Variants in U2SURP observed in about 807,000 individuals in gnomAD.
U2SURP encodes the protein U2 snRNP-associated SURP motif-containing protein.
U2SURP carries 9 observed loss-of-function variants against 144.9 expected under a neutral mutation model. That is an observed-to-expected ratio of 0.06 (90% confidence interval 0.04 to 0.11). The LOEUF is 0.11. U2SURP is among the 10% of genes least tolerant of loss of function. The pLI is 1.00. For synonymous variants in U2SURP, 408 were observed against 396.8 expected (o/e 1.03, Z -0.33); for missense variants, 724 against 1,226.7 (o/e 0.59, Z 6.12).
chr3:143,010,963 A>G (rs1936092549), intron 2 of U2SURP, 104 bp downstream of exon 2: 9 of 803,650 alleles, frequency 1.1e-5, no homozygotes, highest in East Asian at 2.9e-5. Flanking sequence ...ATACAATTGT[A>G]TGTGCTTTTT....
At chr3:143,003,852 C>T (rs1289871533) in intron 1 of U2SURP, among the ~76,000 whole-genome samples, 12 of 151,616 alleles carry the variant, frequency 7.9e-5, no homozygotes, top group Admixed American at 5.9e-4. Context: ...CCAGTACGCC[C>T]GGCTAATTTT....
At chr3:143,052,950 GTTT>G (rs11436960) in intron 25 of U2SURP, among the ~76,000 whole-genome samples, 1 of 132,950 alleles carries the variant, frequency 7.5e-6, no homozygotes. Context: ...AAATGTGTTG[GTTT>G]TTTTTTTTTT....
intron 27 of U2SURP, among the ~76,000 whole-genome samples, 196 bp from the exon 28 acceptor site, chr3:143,056,116 T>A (rs1935136065): frequency 6.6e-6 from 1 of 152,176 alleles, no homozygotes; most frequent in Non-Finnish European, 1.5e-5. Context: ...TGATGATCAT[T>A]GATGCAGTGC....
chr3:143,021,735 G>GCATCTCTTCTATTCA, intron 10 of U2SURP, 180 bp downstream of exon 10: 1 of 623,438 alleles, frequency 1.6e-6, no homozygotes. Context: ...TCCTCTTTCA[G>GCATCTCTTCTATTCA]TAACTAGATT....
At chr3:143,012,570 A>C (rs962738319) in intron 3 of U2SURP, among the ~76,000 whole-genome samples, 1 of 152,152 alleles carries the variant, frequency 6.6e-6, no homozygotes, top group African/African-American at 2.4e-5. Flanking sequence ...TAGAGTTTTA[A>C]ATTTTATTTG....
rs892582542 is a variant in U2SURP at position 143,007,987 on chromosome 3, G to C, written c.46-2828G>C. 6.0e-4 allele frequency among the ~76,000 whole-genome samples: 92 copies of C among 152,316 alleles called. 1 individual carries two copies. Among genetic ancestry groups the C allele is most frequent in the African/African-American group, 2.0e-3 (84 of 41,560 alleles). ...CGTGCTGAATGCTATGTAGCTGTAGGTATGTATCAGTGGAAAATGTCTGGT... is the reference window on the plus strand; with the variant it reads ...CGTGCTGAATGCTATGTAGCTGTAGCTATGTATCAGTGGAAAATGTCTGGT... On this transcript the variant is annotated intron_variant, in intron 1 of 27. Coordinates refer to ENST00000473835, the MANE Select transcript of U2SURP (RefSeq NM_001080415.2).
intron 12 of U2SURP, 100 bp from the exon 13 acceptor site, chr3:143,023,875 G>T (rs1343442598): frequency 9.2e-7 from 1 of 1,091,298 alleles, no homozygotes; most frequent in Non-Finnish European, 1.4e-6. Flanking sequence ...CTTGTGATTA[G>T]ATATGTAGTA....
intron 3 of U2SURP, among the ~76,000 whole-genome samples, 159 bp from the exon 4 acceptor site, chr3:143,014,152 A>G (rs559081735): frequency 6.6e-6 from 1 of 152,022 alleles, no homozygotes; most frequent in Non-Finnish European, 1.5e-5. Flanking sequence ...GTCAAGTAAG[A>G]TAGGCACCTG....
intron 14 of U2SURP, among the ~76,000 whole-genome samples, chr3:143,027,688 T>G (rs1472317049): frequency 6.6e-6 from 1 of 152,206 alleles, no homozygotes. Context: ...GCATGCAGTT[T>G]AAAACTACTT....
At chr3:143,006,205 T>G (rs61620920) in intron 1 of U2SURP, among the ~76,000 whole-genome samples, 76 of 152,366 alleles carry the variant, frequency 5.0e-4, no homozygotes, top group African/African-American at 1.8e-3. Context: ...GGTTTGTTAT[T>G]TAACTTTATT....
At chr3:143,018,785 C>A (rs561228328) in intron 6 of U2SURP, among the ~76,000 whole-genome samples, 9 of 152,196 alleles carry the variant, frequency 5.9e-5, no homozygotes, top group Non-Finnish European at 1.0e-4. Flanking sequence ...ATTAGCCGGG[C>A]ATGGTGGTGC....
At chr3:143,017,650 T>G (rs1190225649) in intron 6 of U2SURP, among the ~76,000 whole-genome samples, 1 of 151,824 alleles carries the variant, frequency 6.6e-6, no homozygotes, top group Admixed American at 6.6e-5. Context: ...TTTGAGACAG[T>G]CTCTCTGTCA....
At chr3:143,046,262 AG>A (rs569168182) in intron 24 of U2SURP, among the ~76,000 whole-genome samples, 121 of 133,632 alleles carry the variant, frequency 9.1e-4, no homozygotes, top group African/African-American at 3.4e-3. Context: ...GCCAGAAGCC[AG>A]TTCTTTTTTT....
In U2SURP at chr3:143,058,821, C is replaced by G. The variant is rs532313038; in HGVS notation, c.*2371C>G. The G allele has an allele frequency of 6.6e-6, 1 of 151,994 alleles. No homozygotes were observed. Among genetic ancestry groups the G allele is most frequent in the African/African-American group, 2.4e-5 (1 of 41,532 alleles). 9.4% of individuals were successfully genotyped at this position (151,994 alleles called of 1,614,324 possible). Reference sequence around the variant, plus strand: ...ATTTCTATAGGTTGACTAGAATGTTCATAAGCATGGTCTTCCAGTTGCAGG... The same window carrying G: ...ATTTCTATAGGTTGACTAGAATGTTGATAAGCATGGTCTTCCAGTTGCAGG... On this transcript the variant is annotated 3_prime_UTR_variant, in exon 28 of 28. Transcript: ENST00000473835.
At position 143,034,996 on chromosome 3, in the gene U2SURP, T is replaced by C. The variant is rs983322225; in HGVS notation, c.1941+21T>C. ...TTAAGGTACGTTTATTGTTTTACTA[T>C]TTTTGCCCTAGTGTTTTAAATGGGT... On this transcript the variant is annotated intron_variant, in intron 19 of 27. Coordinates refer to ENST00000473835, the MANE Select transcript of U2SURP (RefSeq NM_001080415.2). 3 of 956,702 alleles carry C rather than the reference T, an allele frequency of 3.1e-6. No homozygotes were observed. In the African/African-American group the frequency reaches 5.2e-5, roughly 17 times the overall value. 59.3% of individuals were successfully genotyped at this position (956,702 alleles called of 1,614,324 possible). A position where few individuals can be genotyped will look rare whatever the true frequency, so the allele number is the denominator to read the frequency against.
Position 143,037,253 on chromosome 3 carries a change from A to G in U2SURP, c.2139A>G (p.Gly713=). ...LDGAPLEDVD[G]IPIDATPIDD... ...GTGCACCTCTGGAAGATGTAGATGG[A>G]ATTCCTATTGATGCTACTCCCATCG... Residue 713 remains glycine, a synonymous_variant, in exon 21 of 28, where the codon GGA becomes GGG. Transcript: ENST00000473835. 6 of 1,612,714 alleles carry G rather than the reference A, an allele frequency of 3.7e-6. No homozygotes were observed. The South Asian group carries it at 6.6e-5, about 18-fold the overall frequency.
At chr3:143,023,637 G>A (rs1032515098) in intron 12 of U2SURP, among the ~76,000 whole-genome samples, 3 of 152,202 alleles carry the variant, frequency 2.0e-5, no homozygotes, top group African/African-American at 7.2e-5. Context: ...TGGGAACAAA[G>A]TAGCGAACTG....
At chr3:143,049,570 C>G (rs1934740151) in intron 24 of U2SURP, among the ~76,000 whole-genome samples, 1 of 152,160 alleles carries the variant, frequency 6.6e-6, no homozygotes, top group South Asian at 2.1e-4. Context: ...CATGTGCTTT[C>G]TACCACTTGG....
intron 16 of U2SURP, among the ~76,000 whole-genome samples, chr3:143,030,870 AC>A (rs918975193): frequency 6.6e-6 from 1 of 152,016 alleles, no homozygotes; most frequent in African/African-American, 2.4e-5. Flanking sequence ...ATATAGTGAG[AC>A]CCCATTTCTA....
Sources: allele counts gnomAD v4.1 joint callset (sites outside exome capture counted in the v4.1 genomes callset), GRCh38; gene constraint gnomAD v4.1.1; transcripts MANE v1.5; gene names NCBI Gene and HGNC (gene_info 2026-07-23, HGNC 2026-07-21).